Variants in RTN4 observed in about 807,000 individuals in gnomAD.
The protein encoded by RTN4 is reticulon 4.
A neutral mutation model predicts 90.4 loss-of-function variants in RTN4; 32 were observed. The ratio of observed to expected loss-of-function variants is 0.35; its 90% CI spans 0.27 to 0.48. RTN4 has a LOEUF of 0.48. Among genes scored for constraint, RTN4 ranks in the 20% least tolerant of loss-of-function variants. The pLI is 0.99. For synonymous variants in RTN4, 629 were observed against 552.5 expected (o/e 1.14, Z -1.94); for missense variants, 1,706 against 1,430.2 (o/e 1.19, Z -3.11).
At chr2:55,013,701 T>A (rs1034556522) in intron 3 of RTN4, among the ~76,000 whole-genome samples, 1 of 151,866 alleles carries the variant, frequency 6.6e-6, no homozygotes, top group Non-Finnish European at 1.5e-5. Context: ...CAGGCAGCAC[T>A]AGGCAAGGTG....
chr2:55,023,629 C>T (rs944318682), intron 3 of RTN4, among the ~76,000 whole-genome samples: 2 of 151,936 alleles, frequency 1.3e-5, no homozygotes, highest in Non-Finnish European at 2.9e-5. Context: ...TTTTCCCCTT[C>T]CCACCTTAAA....
At chr2:55,124,241 T>C in the RTN4 span, among the ~76,000 whole-genome samples, 1 of 152,330 alleles carries the variant, frequency 6.6e-6, no homozygotes, top group African/African-American at 2.4e-5. Flanking sequence ...GGGCATAGCA[T>C]AGGGTGTATT....
At chr2:55,003,967 C>T (rs1573355398) in intron 3 of RTN4, among the ~76,000 whole-genome samples, 2 of 152,172 alleles carry the variant, frequency 1.3e-5, no homozygotes, top group East Asian at 3.9e-4. Context: ...GATGGCTGTA[C>T]ATAAAAAGGG....
chr2:55,116,091 CTTTTTTTTT>C (rs5831339), upstream of RTN4, among the ~76,000 whole-genome samples: 3 of 105,474 alleles, frequency 2.8e-5, no homozygotes, highest in East Asian at 8.5e-4. Context: ...GGGGACTAGT[CTTTTTTTTT>C]TTTTTTTTTT....
chr2:54,997,002 C>G (rs1440910930), intron 3 of RTN4, among the ~76,000 whole-genome samples: 5 of 152,120 alleles, frequency 3.3e-5, no homozygotes, highest in African/African-American at 9.6e-5. Flanking sequence ...ACACCAAAAG[C>G]AGAAACAACA....
In RTN4 at chr2:55,025,142, T is replaced by C. The variant is rs1681724394; in HGVS notation, c.2957A>G (p.Glu986Gly). The change falls in exon 3 of 9, where the codon GAA becomes GGA. Residue 986 changes from glutamate to glycine, a missense_variant. Physicochemically the swap from Glu to Gly is moderately conservative, Grantham distance 98 (BLOSUM62 -2). Transcript: ENST00000337526. ...EAEKKLPSDT[E>G]KEDRSPSAIF... ...AGCAGATGGTGATCTGTCCTCTTTT[T>C]CTGTATCGGAAGGAAGTTTTTTCTC... The C allele has an allele frequency of 1.2e-6, 2 of 1,613,478 alleles. No individual in the cohort carries two copies. The highest frequency in any genetic ancestry group is 1.7e-5 in the Admixed American group (1 of 59,906).
intron 1 of RTN4, among the ~76,000 whole-genome samples, chr2:55,048,458 TAGAAA>T (rs1667895130): frequency 6.6e-6 from 1 of 152,222 alleles, no homozygotes; most frequent in Admixed American, 6.5e-5. Flanking sequence ...TTTAAAGCTA[TAGAAA>T]AGAAATTTTA....
At chr2:55,096,404 C>T (rs557152584) in intron 1 of RTN4, among the ~76,000 whole-genome samples, 1 of 152,168 alleles carries the variant, frequency 6.6e-6, no homozygotes, top group Admixed American at 6.5e-5. Context: ...GCTGAGCTTC[C>T]AAGTGATTTT....
intron 3 of RTN4, chr2:55,010,219 C>G: frequency 6.3e-7 from 1 of 1,589,220 alleles, no homozygotes; most frequent in Admixed American, 1.8e-5. Flanking sequence ...ATGAAATACC[C>G]GTTTCCTCAA....
intron 3 of RTN4, among the ~76,000 whole-genome samples, chr2:54,992,362 G>A (rs1471010992): frequency 1.3e-5 from 2 of 152,180 alleles, no homozygotes; most frequent in East Asian, 1.9e-4. Context: ...TGTTATACGT[G>A]TGCATGCATA....
At chr2:55,093,469 C>T (rs1350624343) in intron 1 of RTN4, among the ~76,000 whole-genome samples, 1 of 151,632 alleles carries the variant, frequency 6.6e-6, no homozygotes, top group African/African-American at 2.4e-5. Flanking sequence ...TCTTCATTCT[C>T]CTGTTACGCC....
intron 8 of RTN4, among the ~76,000 whole-genome samples, 159 bp from the exon 9 acceptor site, chr2:54,973,357 A>ATT (rs1320967341): frequency 2.6e-5 from 4 of 151,858 alleles, no homozygotes; most frequent in Admixed American, 1.3e-4. Context: ...GGCCTCATGA[A>ATT]TTAGATTTAA....
At chr2:55,083,684 C>A (rs1301211781) in intron 1 of RTN4, among the ~76,000 whole-genome samples, 1 of 152,188 alleles carries the variant, frequency 6.6e-6, no homozygotes. Flanking sequence ...TTTTCACATA[C>A]AATTCAGACA....
upstream of RTN4, among the ~76,000 whole-genome samples, chr2:55,114,894 G>A (rs114103369): frequency 5.1e-3 from 775 of 152,176 alleles, 5 homozygotes; most frequent in Non-Finnish European, 8.4e-3. Flanking sequence ...ACTAGAGGGT[G>A]CATCAGCTTA....
At position 55,049,827 on chromosome 2, in the gene RTN4, C is replaced by T; in HGVS notation, c.474G>A (p.Val158=). ...PASVSPQAEP[V]WTPPAPAPAA... ...CGGGAGCCGGGGCTGGCGGGGTCCA[C>T]ACGGGCTCTGCCTGGGGGCTCACGC... is the stretch of plus-strand genomic sequence containing the variant. Residue 158 remains valine (V), a synonymous_variant, in exon 1 of 9, where the codon GTG becomes GTA. Coordinates refer to ENST00000337526, the MANE Select transcript of RTN4 (RefSeq NM_020532.5). 2.3e-6 allele frequency: 3 copies of T among 1,308,614 alleles called. No homozygotes were observed. Among genetic ancestry groups the T allele is most frequent in the Non-Finnish European group, 2.9e-6 (3 of 1,031,476 alleles). The allele number at this position is 1,308,614 out of a possible 1,614,324, so 81.1% of individuals were successfully genotyped here.
intron 3 of RTN4, among the ~76,000 whole-genome samples, chr2:55,011,386 T>A (rs1680630090): frequency 6.6e-6 from 1 of 152,206 alleles, no homozygotes; most frequent in Admixed American, 6.5e-5. Flanking sequence ...AAATCTGTGT[T>A]CAACTTTATA....
chr2:55,116,265 C>G (rs1035373636), upstream of RTN4, among the ~76,000 whole-genome samples: 1 of 152,088 alleles, frequency 6.6e-6, no homozygotes, highest in African/African-American at 2.4e-5. Context: ...CCTGGACCAG[C>G]AGCTGATAAG....
intron 2 of RTN4, among the ~76,000 whole-genome samples, chr2:55,069,552 G>T (rs933136809): frequency 2.0e-5 from 3 of 152,216 alleles, no homozygotes; most frequent in Non-Finnish European, 4.4e-5. Flanking sequence ...GAGTATAATT[G>T]TTCACCCTCC....
intron 1 of RTN4, among the ~76,000 whole-genome samples, chr2:55,089,877 G>A (rs933386056): frequency 1.8e-4 from 27 of 152,104 alleles, no homozygotes; most frequent in Admixed American, 7.2e-4. Context: ...CCTGGGGCAT[G>A]GAACATTTTC....
Sources: allele counts gnomAD v4.1 joint callset (sites outside exome capture counted in the v4.1 genomes callset), GRCh38; gene constraint gnomAD v4.1.1; transcripts MANE v1.5; gene names NCBI Gene and HGNC (gene_info 2026-07-23, HGNC 2026-07-21).